Variants in NRXN1 observed in about 807,000 individuals in gnomAD.
NRXN1 encodes the protein neurexin 1, also known as neurexin-1.
Under a neutral mutation model 150.9 loss-of-function variants are expected in NRXN1, and 39 were observed. The observed-to-expected ratio is 0.26, with a 90% CI of 0.20 to 0.34. The LOEUF is 0.34. Ranked by LOEUF, NRXN1 falls within the 10% of genes least tolerant of loss-of-function variation. The pLI, the probability that NRXN1 is intolerant of heterozygous loss-of-function variation, is 1.00. For synonymous variants in NRXN1, 924 were observed against 757.0 expected, an observed-to-expected ratio of 1.22 and a Z score of -3.62; for missense variants, 1,815 against 1,949.9, an observed-to-expected ratio of 0.93 and a Z score of 1.30.
At chr2:50,247,316 T>G (rs984554266) in intron 17 of NRXN1, among the ~76,000 whole-genome samples, 1 of 152,088 alleles carries the variant, frequency 6.6e-6, no homozygotes, top group African/African-American at 2.4e-5. Context: ...TTCACTTGAA[T>G]AGCATAGCCA....
chr2:50,922,551 G>A (rs1686199918), intron 4 of NRXN1, 107 bp downstream of exon 4: 2 of 960,442 alleles, frequency 2.1e-6, no homozygotes, highest in Non-Finnish European at 3.3e-6. Context: ...TTAATTTGCA[G>A]CCATATAATT....
rs567561485 is a variant in NRXN1 at position 50,641,335 on chromosome 2, T to C, written c.833-17720A>G. On this transcript the variant is annotated intron_variant, in intron 5 of 22. Transcript: ENST00000401669. ...CCTCATTTGCTGCTGCATGTTGGACTAATTAAAAAGCAGGCTCTTTGGAAG... is the reference window on the plus strand; with the variant it reads ...CCTCATTTGCTGCTGCATGTTGGACCAATTAAAAAGCAGGCTCTTTGGAAG... Among the ~76,000 whole-genome samples the C allele has an allele frequency of 5.9e-5, 9 of 152,244 alleles. No individual in the cohort carries two copies. In the South Asian group the frequency reaches 1.9e-3, roughly 32 times the overall value.
chr2:50,308,797 G>C (rs892800614), intron 17 of NRXN1, among the ~76,000 whole-genome samples: 1 of 152,130 alleles, frequency 6.6e-6, no homozygotes, highest in Non-Finnish European at 1.5e-5. Flanking sequence ...AAAGAGCATG[G>C]TAGACAGGGA....
chr2:50,973,978 C>G (rs1479424544), intron 2 of NRXN1, among the ~76,000 whole-genome samples: 1 of 149,526 alleles, frequency 6.7e-6, no homozygotes, highest in Non-Finnish European at 1.5e-5. Flanking sequence ...TCCTTGCACT[C>G]ATGAGATAAT....
At chr2:50,556,556 G>C (rs1668291612) in intron 8 of NRXN1, among the ~76,000 whole-genome samples, 1 of 143,058 alleles carries the variant, frequency 7.0e-6, no homozygotes, top group Middle Eastern at 3.7e-3. Context: ...TTACTTCCTC[G>C]CTTCATGGGC....
At chr2:49,972,642 G>A (rs917268669) in intron 21 of NRXN1, 8 of 152,138 alleles carry the variant, frequency 5.3e-5, no homozygotes, top group Admixed American at 2.6e-4. Context: ...AGAGAAAAAT[G>A]TGACAAACAC....
intron 5 of NRXN1, among the ~76,000 whole-genome samples, chr2:50,782,865 A>G (rs1704544036): frequency 6.6e-6 from 1 of 152,172 alleles, no homozygotes; most frequent in Non-Finnish European, 1.5e-5. Context: ...AGAGAGAAAG[A>G]CTAATAAATG....
chr2:50,346,562 G>T lies in NRXN1; in HGVS notation c.3365-109592C>A. The T allele has an allele frequency of 1.0e-6, 1 of 972,158 alleles. No homozygotes were observed. The highest frequency in any genetic ancestry group is 1.6e-6 in the Non-Finnish European group (1 of 629,228). 60.2% of individuals were successfully genotyped at this position (972,158 alleles called of 1,614,324 possible). ...CAAAGAGATAAGTGGCTCGCACCAAGCACACCCAAATGCACCTCCCTTTTG... is the reference window on the plus strand; with the variant it reads ...CAAAGAGATAAGTGGCTCGCACCAATCACACCCAAATGCACCTCCCTTTTG... On this transcript the variant is annotated intron_variant, in intron 17 of 22. Transcript: ENST00000401669. This position sits in a 1 kb window ranked among gnomAD's most constrained non-coding sequence, Gnocchi z 5.0.
chr2:50,260,006 A>G (rs115525632), intron 17 of NRXN1, among the ~76,000 whole-genome samples: 3,984 of 151,882 alleles, frequency 0.026, 173 homozygotes, highest in African/African-American at 0.091. Flanking sequence ...GTACCTTTCA[A>G]TAGTGGGAGG....
At chr2:50,899,074 C>T (rs1192121555) in intron 5 of NRXN1, among the ~76,000 whole-genome samples, 1 of 152,056 alleles carries the variant, frequency 6.6e-6, no homozygotes, top group Admixed American at 6.6e-5. Flanking sequence ...TGCCGAAGAA[C>T]TATTCAGCAG....
At position 50,524,808 on chromosome 2, in the gene NRXN1, G is replaced by C. The variant is rs985687281; in HGVS notation, c.2374+3817C>G. Reference sequence around the variant, plus strand: ...GATTTTTAAGGTTACCAGAAGAAGAGAGAAAGAAAAAAATGGCACTACTTA... The same window carrying C: ...GATTTTTAAGGTTACCAGAAGAAGACAGAAAGAAAAAAATGGCACTACTTA... On this transcript the variant is annotated intron_variant, in intron 12 of 22. Coordinates refer to ENST00000401669, the MANE Select transcript of NRXN1 (RefSeq NM_001330078.2). 4.0e-5 allele frequency among the ~76,000 whole-genome samples: 6 copies of C among 151,728 alleles called. No individual in the cohort carries two copies. In the South Asian group the frequency reaches 1.2e-3, roughly 31 times the overall value.
chr2:50,219,120 T>A (rs1382901601), intron 18 of NRXN1, among the ~76,000 whole-genome samples: 1 of 151,860 alleles, frequency 6.6e-6, no homozygotes, highest in Admixed American at 6.6e-5. Flanking sequence ...CTGTTTTCAT[T>A]ATATTCAAAC....
intron 17 of NRXN1, among the ~76,000 whole-genome samples, chr2:50,266,002 ATT>A (rs747310591): frequency 0.17 from 14,794 of 84,618 alleles, 890 homozygotes; most frequent in East Asian, 0.23. Context: ...ATTATTATTT[ATT>A]TTTTTTTTTT....
chr2:50,408,837 A>ATCTCTCTCCCTCTCTC (rs2082938018), intron 17 of NRXN1, among the ~76,000 whole-genome samples: 7 of 136,652 alleles, frequency 5.1e-5, no homozygotes, highest in Middle Eastern at 3.9e-3. Context: ...ATCAATCTCA[A>ATCTCTCTCCCTCTCTC]TCTCTCTCTC....
intron 17 of NRXN1, among the ~76,000 whole-genome samples, chr2:50,399,675 C>A (rs182277843): frequency 6.6e-6 from 1 of 151,368 alleles, no homozygotes; most frequent in East Asian, 2.0e-4. Flanking sequence ...ACCACTAAGT[C>A]ATGTTGTCCA....
chr2:50,452,969 C>A (rs2087139308), intron 17 of NRXN1, among the ~76,000 whole-genome samples: 1 of 152,114 alleles, frequency 6.6e-6, no homozygotes, highest in Non-Finnish European at 1.5e-5. Flanking sequence ...TCAATATTGC[C>A]AGCCAATGGG....
intron 22 of NRXN1, among the ~76,000 whole-genome samples, chr2:49,938,084 A>C (rs1305764209): frequency 1.3e-5 from 2 of 152,218 alleles, no homozygotes; most frequent in African/African-American, 4.8e-5. Context: ...AAAGAATATG[A>C]CATGAAATTA....
chr2:50,461,589 A>G (rs2088221785), intron 17 of NRXN1, among the ~76,000 whole-genome samples: 1 of 151,990 alleles, frequency 6.6e-6, no homozygotes, highest in Non-Finnish European at 1.5e-5. Context: ...ATGTGTAAGT[A>G]TTAATAGGTG....
chr2:50,492,957 A>T (rs937832287), intron 15 of NRXN1, among the ~76,000 whole-genome samples: 1 of 152,158 alleles, frequency 6.6e-6, no homozygotes, highest in Non-Finnish European at 1.5e-5. Flanking sequence ...CTCTCAAATG[A>T]TTACTGCCTT....
Sources: allele counts gnomAD v4.1 joint callset (sites outside exome capture counted in the v4.1 genomes callset), GRCh38; gene constraint gnomAD v4.1.1; non-coding constraint Gnocchi (gnomAD v3.1); transcripts MANE v1.5; gene names NCBI Gene and HGNC (gene_info 2026-07-23, HGNC 2026-07-21).